Variants in PLPPR3 observed in about 807,000 individuals in gnomAD.
The protein encoded by PLPPR3 is phospholipid phosphatase related 3.
Under a neutral mutation model 27.3 loss-of-function variants are expected in PLPPR3, and 14 were observed. The ratio of observed to expected loss-of-function variants is 0.51; its 90% CI spans 0.34 to 0.80. The LOEUF is 0.80. Among genes scored for constraint, PLPPR3 ranks in the 30% least tolerant of loss-of-function variants. The pLI, the probability that PLPPR3 is intolerant of heterozygous loss-of-function variation, is 0.01. For synonymous variants in PLPPR3, 671 were observed against 508.0 expected (o/e 1.32, Z -4.32); for missense variants, 1,287 against 1,056.9 (o/e 1.22, Z -3.02).
At position 813,015 on chromosome 19, in the gene PLPPR3, G is replaced by A; in HGVS notation, c.1712C>T (p.Ser571Leu). 1.3e-6 allele frequency: 2 copies of A among 1,518,340 alleles called. No individual in the cohort carries two copies. The highest frequency in any genetic ancestry group is 1.2e-5 in the South Asian group (1 of 83,856). 94.1% of individuals were successfully genotyped at this position (1,518,340 alleles called of 1,614,324 possible). A position where few individuals can be genotyped will look rare whatever the true frequency, so the allele number is the denominator to read the frequency against. ...SASSDSSQYR[S>L]PSDRDSASIV... ...GCTGGCGGAGTCGCGGTCCGACGGC[G>A]ACCGGTACTGCGAGGAGTCGGAGCT... Residue 571 changes from serine (S) to leucine (L), a missense_variant, in exon 8 of 8, where the codon TCG becomes TTG. By Grantham distance (145) the Ser-to-Leu change is moderately radical. Coordinates refer to ENST00000520876, the MANE Select transcript of PLPPR3 (RefSeq NM_001270366.2). This position sits in a 1 kb window ranked among gnomAD's most constrained non-coding sequence, Gnocchi z 4.1.
At chr19:814,328 C>A (rs1463485198) in intron 7 of PLPPR3, 106 bp downstream of exon 7, 26 of 1,172,160 alleles carry the variant, frequency 2.2e-5, no homozygotes, top group Non-Finnish European at 3.1e-5. Context: ...CCTCCCACCT[C>A]AGACCCCTGG....
chr19:814,395 G>T (rs761621719), intron 7 of PLPPR3, 39 bp downstream of exon 7: 6 of 1,553,306 alleles, frequency 3.9e-6, no homozygotes, highest in South Asian at 1.2e-5. Flanking sequence ...CAGATCCCCT[G>T]GGAACCCATG....
At position 815,347 on chromosome 19, in the gene PLPPR3, G is replaced by T. The variant is rs372810840; in HGVS notation, c.262-20C>A. On this transcript the variant is annotated intron_variant, in intron 3 of 7. Transcript: ENST00000520876. Reference sequence around the variant, plus strand: ...CATGATCTGCCAACAGGGAGGGGGCGCTCAGGCCTCGGTGCCCACAGGGAG... The same window carrying T: ...CATGATCTGCCAACAGGGAGGGGGCTCTCAGGCCTCGGTGCCCACAGGGAG... The T allele has an allele frequency of 6.6e-7, 1 of 1,526,590 alleles. No individual in the cohort carries two copies. The highest frequency in any genetic ancestry group is 8.8e-7 in the Non-Finnish European group (1 of 1,137,546). 94.6% of individuals were successfully genotyped at this position (1,526,590 alleles called of 1,614,324 possible).
At position 814,594 on chromosome 19, in the gene PLPPR3, G is replaced by C. The variant is rs200412799; in HGVS notation, c.671C>G (p.Ser224Trp). 2.5e-6 allele frequency: 4 copies of C among 1,611,992 alleles called. No homozygotes were observed. Among genetic ancestry groups the C allele is most frequent in the South Asian group, 1.1e-5 (1 of 91,090 alleles). ...CAGCTTGGTGGTGTCCGAGATGACC[G>C]AGTTGAAGTACATCTGGGGCATGGG... The part of the protein sequence containing the change: ...AAVYVSMYFN[S>W]VISDTTKLLK... The change falls in exon 7 of 8, where the codon TCG becomes TGG. Residue 224 changes from serine (S) to tryptophan (W), a missense_variant. Coordinates refer to ENST00000520876, the MANE Select transcript of PLPPR3 (RefSeq NM_001270366.2).
Position 821,103 on chromosome 19 carries a change from A to G in PLPPR3, c.75+382T>C, listed in dbSNP as rs974615837. On this transcript the variant is annotated intron_variant, in intron 2 of 7. Coordinates refer to ENST00000520876, the MANE Select transcript of PLPPR3 (RefSeq NM_001270366.2). Reference sequence around the variant, plus strand: ...AGGGCACCAGCCTCACCATTAGCAGAGGTGAACTCAGACCCTGAGGCTTCG... The same window carrying G: ...AGGGCACCAGCCTCACCATTAGCAGGGGTGAACTCAGACCCTGAGGCTTCG... 3.9e-5 allele frequency among the ~76,000 whole-genome samples: 6 copies of G among 152,252 alleles called. 1 individual carries two copies. Among genetic ancestry groups the G allele is most frequent in the Admixed American group, 6.5e-5 (1 of 15,300 alleles).
At position 815,099 on chromosome 19, in the gene PLPPR3, C is replaced by T. The variant is rs545051410; in HGVS notation, c.404-18G>A. On this transcript the variant is annotated intron_variant, in intron 4 of 7. Coordinates refer to ENST00000520876, the MANE Select transcript of PLPPR3 (RefSeq NM_001270366.2). ...GTGGACACCTGCAGGGCGGAAGGCT[C>T]GGCCAGGCGGGGAGCTGGGGACCCG... is the stretch of plus-strand genomic sequence containing the variant. 2.1e-5 allele frequency: 34 copies of T among 1,601,624 alleles called. No individual in the cohort carries two copies. Among genetic ancestry groups the T allele is most frequent in the Non-Finnish European group, 2.7e-5 (32 of 1,179,366 alleles).
chr19:814,830 A>G lies in PLPPR3; in HGVS notation c.599+56T>C, dbSNP rs1455253261. On this transcript the variant is annotated intron_variant, in intron 5 of 7. Coordinates refer to ENST00000520876, the MANE Select transcript of PLPPR3 (RefSeq NM_001270366.2). ...CCTCTCTGTGTCTCTGTTTCCCCGC[A>G]TGTTCACCGGGGCGGAAGAAGGCTC... The G allele has an allele frequency of 7.0e-6, 11 of 1,581,028 alleles. No individual in the cohort carries two copies. In the East Asian group the frequency reaches 9.0e-5, roughly 13 times the overall value.
chr19:818,313 G>T (rs1659569791), intron 2 of PLPPR3, among the ~76,000 whole-genome samples: 1 of 150,418 alleles, frequency 6.6e-6, no homozygotes, highest in Non-Finnish European at 1.5e-5. Context: ...AGGACGGGAG[G>T]TGGAGGTTGC....
chr19:814,976 T>C lies in PLPPR3; in HGVS notation c.509A>G (p.Tyr170Cys). The C allele has an allele frequency of 6.2e-7, 1 of 1,612,356 alleles. No individual in the cohort carries two copies. Residue 170 changes from tyrosine (Y) to cysteine (C), a missense_variant, in exon 5 of 8, where the codon TAC becomes TGC. By Grantham distance (194) the Tyr-to-Cys change is radical (BLOSUM62 -2). Transcript: ENST00000520876. ...PFFLTVCKPN[Y>C]TLLGTSCEVN... is the part of the protein sequence containing the mutation. ...CTCGCAGGACGTGCCCAGGAGAGTG[T>C]AGTTGGGCTTGCAGACGGTGAGGAA...
chr19:814,950 C>T lies in PLPPR3; in HGVS notation c.535G>A (p.Val179Ile). Reference sequence around the variant, plus strand: ...ATGTCCTGCGTGATGTAGGGGTTGACCTCGCAGGACGTGCCCAGGAGAGTG... The same window carrying T: ...ATGTCCTGCGTGATGTAGGGGTTGATCTCGCAGGACGTGCCCAGGAGAGTG... ...NYTLLGTSCE[V>I]NPYITQDICS... Residue 179 changes from valine to isoleucine, a missense_variant, in exon 5 of 8, where the codon GTC (valine) becomes ATC (isoleucine). Val to Ile is a conservative substitution (Grantham distance 29). Transcript: ENST00000520876. 6.2e-6 allele frequency: 10 copies of T among 1,612,502 alleles called. No homozygotes were observed. Among genetic ancestry groups the T allele is most frequent in the Non-Finnish European group, 8.5e-6 (10 of 1,179,954 alleles).
chr19:813,990 G>A lies in PLPPR3; in HGVS notation c.832-95C>T. 5 of 1,244,864 alleles carry A rather than the reference G, an allele frequency of 4.0e-6. No homozygotes were observed. The highest frequency in any genetic ancestry group is 5.3e-6 in the Non-Finnish European group (5 of 940,314). The allele number at this position is 1,244,864 out of a possible 1,614,324, so 77.1% of individuals were successfully genotyped here. A position where few individuals can be genotyped will look rare whatever the true frequency, so the allele number is the denominator to read the frequency against. Reference sequence around the variant, plus strand: ...TGCCGCGGGGGGCTCTGGACCGGGGGTGGGGGCTGGCAAGCTCTTGTCCAG... The same window carrying A: ...TGCCGCGGGGGGCTCTGGACCGGGGATGGGGGCTGGCAAGCTCTTGTCCAG... On this transcript the variant is annotated intron_variant, in intron 7 of 7. Coordinates refer to ENST00000520876, the MANE Select transcript of PLPPR3 (RefSeq NM_001270366.2). This position sits in a 1 kb window ranked among gnomAD's most constrained non-coding sequence, Gnocchi z 4.1.
chr19:816,349 C>G (rs1252600715), intron 2 of PLPPR3, among the ~76,000 whole-genome samples: 1 of 56,292 alleles, frequency 1.8e-5, no homozygotes, highest in Non-Finnish European at 3.3e-5. Context: ...ACCCATCCAT[C>G]CGTCCATTCA....
upstream of PLPPR3, among the ~76,000 whole-genome samples, chr19:823,182 C>T (rs2145089182): frequency 6.6e-6 from 1 of 151,640 alleles, no homozygotes; most frequent in Admixed American, 6.6e-5. Context: ...TGGCTCAGGC[C>T]TATAATCCCA....
At position 813,000 on chromosome 19, in the gene PLPPR3, T is replaced by C; in HGVS notation, c.1727A>G (p.Asp576Gly). The change falls in exon 8 of 8, where the codon GAC becomes GGC. Residue 576 changes from aspartate (D) to glycine (G), a missense_variant. Transcript: ENST00000520876. ...SSQYRSPSDR[D>G]SASIVTIDAH... ...GTCGATGGTCACGATGCTGGCGGAG[T>C]CGCGGTCCGACGGCGACCGGTACTG... is the stretch of plus-strand genomic sequence containing the variant. 2 of 1,514,366 alleles carry C rather than the reference T, an allele frequency of 1.3e-6. No individual in the cohort carries two copies. The highest frequency in any genetic ancestry group is 1.4e-5 in the African/African-American group (1 of 69,158). 93.8% of individuals were successfully genotyped at this position (1,514,366 alleles called of 1,614,324 possible).
chr19:815,997 A>G (rs575309145), intron 2 of PLPPR3, 146 bp from the exon 3 acceptor site: 2 of 761,282 alleles, frequency 2.6e-6, no homozygotes, highest in South Asian at 3.7e-5. Flanking sequence ...CCCATGAGTT[A>G]TTCATCCATC....
At chr19:814,804 GC>G in intron 5 of PLPPR3, 55 bp from the exon 6 acceptor site, 1 of 1,562,750 alleles carries the variant, frequency 6.4e-7, no homozygotes, top group East Asian at 2.2e-5. Context: ...AGCTCCAGTG[GC>G]CTCTCTGTGT....
At chr19:822,831 G>C (rs1000106016), upstream of PLPPR3, among the ~76,000 whole-genome samples, 4 of 152,194 alleles carry the variant, frequency 2.6e-5, no homozygotes, top group Non-Finnish European at 5.9e-5. Flanking sequence ...TACAAAAATC[G>C]GTTTTTGGGC....
chr19:815,947 A>C, intron 2 of PLPPR3, 96 bp from the exon 3 acceptor site: 2 of 1,273,894 alleles, frequency 1.6e-6, no homozygotes, highest in East Asian at 2.5e-5. Context: ...CGTCTCACTC[A>C]CCTATCCACA....
chr19:820,229 G>C (rs1011713262), intron 2 of PLPPR3, among the ~76,000 whole-genome samples: 3 of 152,146 alleles, frequency 2.0e-5, no homozygotes, highest in Non-Finnish European at 4.4e-5. Flanking sequence ...TGTCATCCAG[G>C]CTGGAGTGCA....
Sources: allele counts gnomAD v4.1 joint callset (sites outside exome capture counted in the v4.1 genomes callset), GRCh38; gene constraint gnomAD v4.1.1; non-coding constraint Gnocchi (gnomAD v3.1); transcripts MANE v1.5; gene names NCBI Gene and HGNC (gene_info 2026-07-23, HGNC 2026-07-21).